Variants in SYNE2 observed in about 807,000 individuals in gnomAD.
SYNE2 encodes the protein spectrin repeat containing nuclear envelope protein 2.
SYNE2 carries 431 observed loss-of-function variants against 856.3 expected under a neutral mutation model. That is an observed-to-expected ratio of 0.50 (90% CI 0.47 to 0.55). SYNE2 has a LOEUF of 0.55. Ranked by LOEUF, SYNE2 falls within the 20% of genes least tolerant of loss-of-function variation. The pLI is 0.00. For synonymous variants in SYNE2, 2,923 were observed against 2,872.3 expected (o/e 1.02, Z -0.56); for missense variants, 8,129 against 8,023.2 (o/e 1.01, Z -0.50).
chr14:63,987,179 C>A (rs1456055493), intron 19 of SYNE2, among the ~76,000 whole-genome samples: 2 of 152,070 alleles, frequency 1.3e-5, no homozygotes, highest in Non-Finnish European at 2.9e-5. Flanking sequence ...TTGCTTGAAC[C>A]CAGGAGGCGG....
At chr14:64,031,802 T>C (rs903053328) in intron 45 of SYNE2, among the ~76,000 whole-genome samples, 3 of 152,214 alleles carry the variant, frequency 2.0e-5, no homozygotes, top group African/African-American at 7.2e-5. Context: ...CCCTCTGTTG[T>C]TAGATCATTT....
At chr14:64,061,197 C>T (rs193156436) in intron 49 of SYNE2, among the ~76,000 whole-genome samples, 3 of 152,206 alleles carry the variant, frequency 2.0e-5, no homozygotes, top group African/African-American at 7.2e-5. Context: ...GGCTTCTATT[C>T]AGCCATCTTG....
intron 61 of SYNE2, among the ~76,000 whole-genome samples, chr14:64,095,673 T>G (rs2153632837): frequency 6.6e-6 from 1 of 152,296 alleles, no homozygotes; most frequent in East Asian, 1.9e-4. Context: ...GTAGCATAAG[T>G]GCTTTTTCTC....
chr14:64,080,408 T>C, intron 55 of SYNE2, 48 bp from the exon 56 acceptor site: 3 of 1,597,772 alleles, frequency 1.9e-6, no homozygotes, highest in Non-Finnish European at 2.6e-6. Context: ...ATTGCCTCCA[T>C]AAACTATGAC....
At chr14:64,181,273 C>A (rs2098456835) in intron 96 of SYNE2, among the ~76,000 whole-genome samples, 1 of 152,124 alleles carries the variant, frequency 6.6e-6, no homozygotes, top group South Asian at 2.1e-4. Context: ...ATTAGGTTAA[C>A]AAGATTTCTA....
chr14:64,179,018 A>G (rs576267024), intron 96 of SYNE2, among the ~76,000 whole-genome samples: 4 of 152,180 alleles, frequency 2.6e-5, no homozygotes, highest in African/African-American at 9.7e-5. Context: ...TCGAGGATAC[A>G]GTGACTCATG....
At chr14:64,223,625 G>A (rs186185644) in intron 113 of SYNE2, among the ~76,000 whole-genome samples, 463 of 152,150 alleles carry the variant, frequency 3.0e-3, no homozygotes, top group African/African-American at 0.01. Context: ...TTTAAAGGAA[G>A]TGGCTAATTT....
At chr14:64,000,122 G>C (rs1456323980) in intron 27 of SYNE2, among the ~76,000 whole-genome samples, 1 of 152,176 alleles carries the variant, frequency 6.6e-6, no homozygotes, top group Non-Finnish European at 1.5e-5. Context: ...AATTATAGAT[G>C]TTAATTATAA....
chr14:64,137,067 C>T (rs1255603483), intron 78 of SYNE2, among the ~76,000 whole-genome samples: 1 of 152,204 alleles, frequency 6.6e-6, no homozygotes, highest in Non-Finnish European at 1.5e-5. Context: ...GGTAAGATTT[C>T]CTGATTTTTC....
At chr14:64,131,485 T>C (rs547513014) in intron 76 of SYNE2, among the ~76,000 whole-genome samples, 2 of 152,376 alleles carry the variant, frequency 1.3e-5, no homozygotes, top group African/African-American at 4.8e-5. Flanking sequence ...GTCTTTCGAA[T>C]ATGTGGGTTG....
chr14:64,131,662 G>A (rs922671878), intron 76 of SYNE2, among the ~76,000 whole-genome samples: 1 of 151,952 alleles, frequency 6.6e-6, no homozygotes, highest in African/African-American at 2.4e-5. Flanking sequence ...GCTCATTGTA[G>A]CCTCGAGATC....
intron 1 of SYNE2, among the ~76,000 whole-genome samples, chr14:63,895,602 A>AG (rs1270419801): frequency 6.6e-6 from 1 of 150,892 alleles, no homozygotes; most frequent in East Asian, 1.9e-4. Flanking sequence ...AAAAAAAAAA[A>AG]AAAAAAAAAT....
At chr14:64,032,746 A>G (rs141396084) in intron 45 of SYNE2, among the ~76,000 whole-genome samples, 1 of 152,228 alleles carries the variant, frequency 6.6e-6, no homozygotes, top group East Asian at 1.9e-4. Context: ...CTAATTTTGT[A>G]TTTTTAGTAG....
Position 64,225,845 on chromosome 14 carries a change from A to G in SYNE2, c.*319A>G, listed in dbSNP as rs1198821963. 1 of 581,952 alleles carries G rather than the reference A, an allele frequency of 1.7e-6. No individual in the cohort carries two copies. 36.0% of individuals were successfully genotyped at this position (581,952 alleles called of 1,614,324 possible). ...AATTCTGGTTTGTTTGTAAAACAGC[A>G]TTATTATAATGTAGGTATGGTCAAT... On this transcript the variant is annotated 3_prime_UTR_variant, in exon 116 of 116. Transcript: ENST00000555002.
intron 53 of SYNE2, among the ~76,000 whole-genome samples, chr14:64,074,583 T>A (rs2097441895): frequency 6.6e-6 from 1 of 152,122 alleles, no homozygotes; most frequent in Non-Finnish European, 1.5e-5. Context: ...CCCAAAAGTA[T>A]GTTTGGAAGT....
At chr14:63,824,769 A>G (rs190663022) in intron 1 of SYNE2, among the ~76,000 whole-genome samples, 3 of 152,250 alleles carry the variant, frequency 2.0e-5, no homozygotes, top group Non-Finnish European at 4.4e-5. Flanking sequence ...GTATCAACAT[A>G]TCTCATGTAA....
chr14:64,044,443 T>C (rs749487226), intron 45 of SYNE2, among the ~76,000 whole-genome samples: 5 of 152,176 alleles, frequency 3.3e-5, no homozygotes, highest in Admixed American at 6.5e-5. Context: ...AGATTACACT[T>C]TTGACTGTGG....
intron 45 of SYNE2, 100 bp from the exon 46 acceptor site, chr14:64,047,900 C>A: frequency 7.6e-7 from 1 of 1,311,106 alleles, no homozygotes; most frequent in South Asian, 1.3e-5. Context: ...GTCTATAATC[C>A]AAGTAAACAG....
intron 6 of SYNE2, among the ~76,000 whole-genome samples, chr14:63,945,735 C>T (rs753046529): frequency 3.3e-5 from 5 of 152,098 alleles, no homozygotes; most frequent in Non-Finnish European, 5.9e-5. Flanking sequence ...AGTGATTCTC[C>T]GACCTCAGCC....
Sources: gnomAD v4.1 joint callset for allele counts (sites outside exome capture counted in the v4.1 genomes callset) on GRCh38, gnomAD v4.1.1 for gene constraint, MANE v1.5 for transcripts, NCBI Gene and HGNC (gene_info 2026-07-23, HGNC 2026-07-21) for gene names.